Variants in BIRC2 observed in about 807,000 individuals in gnomAD.
The protein encoded by BIRC2 is baculoviral IAP repeat containing 2.
Under a neutral mutation model 60.9 loss-of-function variants are expected in BIRC2, and 18 were observed. The ratio of observed to expected loss-of-function variants is 0.30; its 90% CI spans 0.20 to 0.44. The LOEUF (loss-of-function observed/expected upper bound fraction) is 0.44. Ranked by LOEUF, BIRC2 falls within the 20% of genes least tolerant of loss-of-function variation. BIRC2 has a pLI of 1.00. For missense variants in BIRC2, 701 were observed against 728.5 expected (o/e 0.96, Z 0.43); for synonymous variants, 282 against 247.7 (o/e 1.14, Z -1.30).
At chr11:102,370,305 C>T (rs1168831907) in intron 6 of BIRC2, among the ~76,000 whole-genome samples, 1 of 141,850 alleles carries the variant, frequency 7.0e-6, no homozygotes, top group Non-Finnish European at 1.5e-5. Context: ...TTAGGTCTAA[C>T]ATTTAAATCT....
intron 6 of BIRC2, among the ~76,000 whole-genome samples, chr11:102,369,991 T>C (rs1300365468): frequency 2.6e-4 from 39 of 152,350 alleles, no homozygotes; most frequent in African/African-American, 7.2e-4. Context: ...TCATGTCCTT[T>C]GCCCACTTTT....
chr11:102,352,535 T>C (rs1170165122), intron 3 of BIRC2, among the ~76,000 whole-genome samples: 1 of 152,092 alleles, frequency 6.6e-6, no homozygotes, highest in Non-Finnish European at 1.5e-5. Flanking sequence ...CTCAGCCTCC[T>C]GAGTAGCTGG....
intron 2 of BIRC2, 25 bp downstream of exon 2, chr11:102,350,774 T>G (rs1268264422): frequency 6.2e-7 from 1 of 1,602,402 alleles, no homozygotes; most frequent in Admixed American, 1.7e-5. Flanking sequence ...ACTATACATT[T>G]TATCATTTTA....
intron 4 of BIRC2, 58 bp from the exon 5 acceptor site, chr11:102,363,610 C>T: frequency 7.5e-7 from 1 of 1,340,408 alleles, no homozygotes; most frequent in Non-Finnish European, 1.1e-6. Flanking sequence ...TAGTGTTGTT[C>T]TTTTCAGATT....
At position 102,378,284 on chromosome 11, in the gene BIRC2, T is replaced by G. The variant is rs1951737057; in HGVS notation, c.*101T>G. On this transcript the variant is annotated 3_prime_UTR_variant, in exon 9 of 9. Transcript: ENST00000227758. ...AAAAAGGGAATTATGAGTTTTTCAA[T>G]TAGTAACATTCATGTTCTAGTCTGC... 3 of 923,162 alleles carry G rather than the reference T, an allele frequency of 3.2e-6. No individual in the cohort carries two copies. The highest frequency in any genetic ancestry group is 2.1e-5 in the South Asian group (1 of 48,048). The allele number at this position is 923,162 out of a possible 1,614,324, so 57.2% of individuals were successfully genotyped here. A position where few individuals can be genotyped will look rare whatever the true frequency, so the allele number is the denominator to read the frequency against.
intron 6 of BIRC2, among the ~76,000 whole-genome samples, chr11:102,369,938 T>C (rs1184428279): frequency 6.6e-6 from 1 of 151,840 alleles, no homozygotes; most frequent in Non-Finnish European, 1.5e-5. Flanking sequence ...TTTTTTCATG[T>C]GTTTTTTGGC....
Position 102,362,885 on chromosome 11 carries a change from A to G in BIRC2, c.996-11A>G, listed in dbSNP as rs1330071335. Reference sequence around the variant, plus strand: ...ACAATTTTAAAAAATAATTTTCCTCATATGTTTTAGGTGTGAGTTCTTGAT... The same window carrying G: ...ACAATTTTAAAAAATAATTTTCCTCGTATGTTTTAGGTGTGAGTTCTTGAT... On this transcript the variant is annotated splice_polypyrimidine_tract_variant and intron_variant, in intron 3 of 8. Transcript: ENST00000227758. 29 of 1,602,146 alleles carry G rather than the reference A, an allele frequency of 1.8e-5. No homozygotes were observed. Among genetic ancestry groups the G allele is most frequent in the Non-Finnish European group, 2.2e-5 (26 of 1,170,550 alleles).
At position 102,350,291 on chromosome 11, in the gene BIRC2, G is replaced by A. The variant is rs1391915045; in HGVS notation, c.437G>A (p.Ser146Asn). The change falls in exon 2 of 9, where the codon AGT becomes AAT. Residue 146 changes from serine to asparagine, a missense_variant. Physicochemically the swap from Ser to Asn is conservative, Grantham distance 46. Transcript: ENST00000227758. ...AHSLSPTLEH[S>N]SLFSGSYSSL... ...TCATTATCTCCCACCTTGGAACATA[G>A]TAGCTTGTTCAGTGGTTCTTACTCC... 1.2e-6 allele frequency: 2 copies of A among 1,614,098 alleles called. No individual in the cohort carries two copies. The highest frequency in any genetic ancestry group is 2.7e-5 in the African/African-American group (2 of 74,924).
intron 6 of BIRC2, among the ~76,000 whole-genome samples, chr11:102,368,803 T>A (rs774082720): frequency 7.2e-5 from 11 of 152,210 alleles, no homozygotes; most frequent in Non-Finnish European, 1.3e-4. Context: ...TTTAGCATAA[T>A]AAGCTCTTTC....
At chr11:102,363,324 CTT>C (rs1951506614) in intron 4 of BIRC2, among the ~76,000 whole-genome samples, 2 of 152,128 alleles carry the variant, frequency 1.3e-5, no homozygotes, top group African/African-American at 4.8e-5. Context: ...TTTAGTGTCT[CTT>C]TGCTGTTTTC....
At chr11:102,355,018 A>G (rs943075469) in intron 3 of BIRC2, among the ~76,000 whole-genome samples, 1 of 150,004 alleles carries the variant, frequency 6.7e-6, no homozygotes, top group Non-Finnish European at 1.5e-5. Flanking sequence ...CTCCTTATCA[A>G]ATGTATAATT....
At chr11:102,375,431 C>T (rs563683217) in intron 6 of BIRC2, among the ~76,000 whole-genome samples, 5 of 152,224 alleles carry the variant, frequency 3.3e-5, no homozygotes, top group Admixed American at 1.3e-4. Context: ...ATTGCATGAC[C>T]GTGTAGCAAA....
intron 6 of BIRC2, among the ~76,000 whole-genome samples, chr11:102,375,795 A>AG (rs1409774577): frequency 6.6e-5 from 10 of 152,112 alleles, no homozygotes; most frequent in East Asian, 5.8e-4. Flanking sequence ...AAAAAAAAAA[A>AG]AAATTCCAGT....
intron 3 of BIRC2, among the ~76,000 whole-genome samples, chr11:102,351,813 C>G (rs1165868035): frequency 2.0e-5 from 3 of 151,712 alleles, no homozygotes; most frequent in Admixed American, 1.3e-4. Flanking sequence ...ATTAAATTGT[C>G]TTTGTAATTG....
chr11:102,377,548 A>C lies in BIRC2; in HGVS notation c.1419A>C (p.Thr473=). Residue 473 remains threonine, a synonymous_variant, in exon 7 of 9, where the codon ACA becomes ACC. Transcript: ENST00000227758. The part of the protein sequence containing the change: ...KNRMALFQQL[T]CVLPILDNLL... ...GAATGGCTCTCTTTCAACAATTGACATGTGTGCTTCCTATCCTGGATAATC... is the reference window on the plus strand; with the variant it reads ...GAATGGCTCTCTTTCAACAATTGACCTGTGTGCTTCCTATCCTGGATAATC... 3.7e-6 allele frequency: 6 copies of C among 1,607,762 alleles called. No individual in the cohort carries two copies. Among genetic ancestry groups the C allele is most frequent in the Non-Finnish European group, 5.1e-6 (6 of 1,178,174 alleles).
At chr11:102,351,044 CT>C in intron 3 of BIRC2, 101 bp downstream of exon 3, 1 of 1,034,750 alleles carries the variant, frequency 9.7e-7, no homozygotes, top group Non-Finnish European at 1.4e-6. Flanking sequence ...AACAAAGCCT[CT>C]TTTATGCCAT....
At chr11:102,360,784 G>GTTTTTTTTTTTTGTTTTTTTTTTTTGT (rs200030086) in intron 3 of BIRC2, among the ~76,000 whole-genome samples, 1 of 129,346 alleles carries the variant, frequency 7.7e-6, no homozygotes, top group Non-Finnish European at 1.7e-5. Context: ...TGTTTTTTTT[G>GTTTTTTTTTTTTGTTTTTTTTTTTTGT]TTTTTTTTTT....
chr11:102,360,896 CA>C (rs954456464), intron 3 of BIRC2, among the ~76,000 whole-genome samples: 1 of 151,988 alleles, frequency 6.6e-6, no homozygotes, highest in African/African-American at 2.4e-5. Context: ...TTGTGAACTC[CA>C]TGCAGCTCCA....
chr11:102,350,810 G>C, intron 2 of BIRC2, 34 bp from the exon 3 acceptor site: 2 of 1,610,408 alleles, frequency 1.2e-6, no homozygotes, highest in Non-Finnish European at 1.7e-6. Flanking sequence ...TAGAACATAC[G>C]TGTTTTCAAT....
Sources: gnomAD v4.1 joint callset for allele counts (sites outside exome capture counted in the v4.1 genomes callset) on GRCh38, gnomAD v4.1.1 for gene constraint, MANE v1.5 for transcripts, NCBI Gene and HGNC (gene_info 2026-07-23, HGNC 2026-07-21) for gene names.